MMP16: variants seen among roughly 807,000 people sequenced by gnomAD.
MMP16 encodes the protein matrix metalloproteinase-16.
A neutral mutation model predicts 67.8 loss-of-function variants in MMP16; 12 were observed. That is an observed-to-expected ratio of 0.18 (90% CI 0.11 to 0.29). The LOEUF (loss-of-function observed/expected upper bound fraction) is 0.29. Among genes scored for constraint, MMP16 ranks in the 10% least tolerant of loss-of-function variants. The pLI is 1.00. For synonymous variants in MMP16, 249 were observed against 255.9 expected (o/e 0.97, Z 0.26); for missense variants, 475 against 765.7 (o/e 0.62, Z 4.48).
chr8:88,150,747 G>A (rs1403970417), intron 4 of MMP16, among the ~76,000 whole-genome samples: 14 of 149,720 alleles, frequency 9.4e-5, no homozygotes, highest in South Asian at 4.4e-4. Flanking sequence ...GGTACCAGCC[G>A]CTGCAAAATC....
Position 88,038,779 on chromosome 8 carries a change from A to C in MMP16, c.*2682T>G, listed in dbSNP as rs568581662. ...GCATCATCTAGAATGGAAGCACTGA[A>C]GTAAAGCTACAGGGCTGACTCTGGT... is the stretch of plus-strand genomic sequence containing the variant. On this transcript the variant is annotated 3_prime_UTR_variant, in exon 10 of 10. Transcript: ENST00000286614. This position sits in a 1 kb window ranked among gnomAD's most constrained non-coding sequence, Gnocchi z 4.1. 1 of 152,618 alleles carries C rather than the reference A, an allele frequency of 6.6e-6. No individual in the cohort carries two copies. Among genetic ancestry groups the C allele is most frequent in the Non-Finnish European group, 1.5e-5 (1 of 68,032 alleles). 9.5% of individuals were successfully genotyped at this position (152,618 alleles called of 1,614,324 possible).
intron 3 of MMP16, among the ~76,000 whole-genome samples, chr8:88,179,895 G>C (rs1048848483): frequency 6.6e-6 from 1 of 152,028 alleles, no homozygotes; most frequent in Non-Finnish European, 1.5e-5. Context: ...ACTGGAAGAG[G>C]GGAAGACAAA....
intron 4 of MMP16, among the ~76,000 whole-genome samples, chr8:88,141,226 A>C (rs928261340): frequency 6.6e-6 from 1 of 152,228 alleles, no homozygotes; most frequent in African/African-American, 2.4e-5. Context: ...GATGTCTTAC[A>C]AATTAATGAA....
intron 1 of MMP16, among the ~76,000 whole-genome samples, chr8:88,221,189 C>T (rs1447290910): frequency 2.0e-5 from 3 of 152,066 alleles, no homozygotes; most frequent in African/African-American, 7.2e-5. Context: ...ATGCCCTGTC[C>T]TTTTTCTCAC....
At chr8:88,073,756 T>C (rs1262808407) in intron 7 of MMP16, among the ~76,000 whole-genome samples, 1 of 152,190 alleles carries the variant, frequency 6.6e-6, no homozygotes, top group African/African-American at 2.4e-5. Flanking sequence ...TAATTGCTTT[T>C]TGAGGGATTA....
chr8:88,043,369 C>T (rs1220568922), intron 9 of MMP16, among the ~76,000 whole-genome samples: 1 of 152,096 alleles, frequency 6.6e-6, no homozygotes, highest in Non-Finnish European at 1.5e-5. Flanking sequence ...CAGCAACCTC[C>T]GCCTCCTGGG....
At chr8:88,107,534 A>G (rs950988430) in intron 6 of MMP16, among the ~76,000 whole-genome samples, 3 of 151,084 alleles carry the variant, frequency 2.0e-5, no homozygotes, top group Admixed American at 6.6e-5. Flanking sequence ...TCTCCTGAGT[A>G]GTGGAATCAG....
Position 88,035,692 on chromosome 8 carries a change from A to C in MMP16, c.*5769T>G, listed in dbSNP as rs981268922. On this transcript the variant is annotated 3_prime_UTR_variant, in exon 10 of 10. Transcript: ENST00000286614. The surrounding 1 kb of genome is among the most constrained non-coding windows in gnomAD (Gnocchi z 4.7). ...GCATGTCACGTCCAGTTATAAGCCC[A>C]TAATTGTGTTTAAAAATTGAAGACT... is the stretch of plus-strand genomic sequence containing the variant. 1 of 151,986 alleles carries C rather than the reference A, an allele frequency of 6.6e-6. No individual in the cohort carries two copies. Among genetic ancestry groups the C allele is most frequent in the Non-Finnish European group, 1.5e-5 (1 of 67,898 alleles). The allele number at this position is 151,986 out of a possible 1,614,324, so 9.4% of individuals were successfully genotyped here.
chr8:88,211,433 A>T (rs1162344240), intron 1 of MMP16, among the ~76,000 whole-genome samples: 2 of 152,168 alleles, frequency 1.3e-5, no homozygotes, highest in Non-Finnish European at 2.9e-5. Flanking sequence ...GGTATTTGTT[A>T]TCAAGGAGTT....
chr8:88,223,554 A>G (rs1809720034), intron 1 of MMP16, among the ~76,000 whole-genome samples: 2 of 151,892 alleles, frequency 1.3e-5, no homozygotes, highest in Non-Finnish European at 2.9e-5. Context: ...GACATGGATG[A>G]AGCTGGAAAC....
chr8:88,309,713 G>A (rs1238898986), intron 1 of MMP16, among the ~76,000 whole-genome samples: 1 of 152,006 alleles, frequency 6.6e-6, no homozygotes, highest in African/African-American at 2.4e-5. Context: ...CAGATAGACA[G>A]CACATGTATC....
chr8:88,069,742 A>G (rs1808520489), intron 7 of MMP16, among the ~76,000 whole-genome samples: 1 of 152,152 alleles, frequency 6.6e-6, no homozygotes, highest in Non-Finnish European at 1.5e-5. Context: ...TGACTATACT[A>G]TGGCTACTGC....
intron 7 of MMP16, among the ~76,000 whole-genome samples, chr8:88,056,871 A>C (rs1227931646): frequency 6.6e-6 from 1 of 152,166 alleles, no homozygotes; most frequent in African/African-American, 2.4e-5. Context: ...GGAAAATTTT[A>C]ACCTTAACCA....
At chr8:88,296,037 T>C (rs1227905397) in intron 1 of MMP16, among the ~76,000 whole-genome samples, 12 of 117,408 alleles carry the variant, frequency 1.0e-4, no homozygotes, top group Non-Finnish European at 2.0e-4. Flanking sequence ...TCCTACTTAC[T>C]AACTGAGACT....
intron 1 of MMP16, among the ~76,000 whole-genome samples, chr8:88,261,346 G>T (rs931006811): frequency 2.0e-5 from 3 of 151,994 alleles, no homozygotes; most frequent in Non-Finnish European, 4.4e-5. Flanking sequence ...ATGGATAGTT[G>T]TATTATCAAG....
intron 3 of MMP16, chr8:88,186,227 T>TCATAATATTGACATTTC: frequency 2.9e-6 from 1 of 347,362 alleles, no homozygotes. Context: ...TTAAAGTCCC[T>TCATAATATTGACATTTC]CATAATATTG....
intron 6 of MMP16, 134 bp downstream of exon 6, chr8:88,116,373 T>C: frequency 1.3e-6 from 1 of 757,826 alleles, no homozygotes; most frequent in Non-Finnish European, 2.1e-6. Context: ...ATTTATTTTT[T>C]AAAATGCTTT....
intron 1 of MMP16, among the ~76,000 whole-genome samples, chr8:88,238,641 G>C (rs2129893968): frequency 6.8e-6 from 1 of 146,784 alleles, no homozygotes; most frequent in Non-Finnish European, 1.5e-5. Flanking sequence ...ACTCCAGCCT[G>C]GGCAACTGTG....
chr8:88,200,726 A>G (rs1809330711), intron 1 of MMP16, among the ~76,000 whole-genome samples: 1 of 151,992 alleles, frequency 6.6e-6, no homozygotes, highest in African/African-American at 2.4e-5. Flanking sequence ...CATAAATATT[A>G]GTGACAAAAA....
Sources: gnomAD v4.1 joint callset for allele counts (sites outside exome capture counted in the v4.1 genomes callset) on GRCh38, gnomAD v4.1.1 for gene constraint, Gnocchi (gnomAD v3.1) non-coding constraint, MANE v1.5 for transcripts, NCBI Gene and HGNC (gene_info 2026-07-23, HGNC 2026-07-21) for gene names.